BEND6: variants seen among roughly 807,000 people sequenced by gnomAD.
BEND6 encodes BEN domain containing 6.
A neutral mutation model predicts 31.8 loss-of-function variants in BEND6; 24 were observed. The observed-to-expected ratio is 0.75, with a 90% CI of 0.55 to 1.06. The LOEUF is 1.06. BEND6 is among the 50% of genes least tolerant of loss of function. The pLI is 0.00. For synonymous variants in BEND6, 109 were observed against 114.6 expected (o/e 0.95, Z 0.31); for missense variants, 294 against 327.4 (o/e 0.90, Z 0.79).
chr6:56,978,310 C>A (rs1375220509), intron 1 of BEND6, among the ~76,000 whole-genome samples: 1 of 151,580 alleles, frequency 6.6e-6, no homozygotes, highest in African/African-American at 2.4e-5. Flanking sequence ...ATAAAATATA[C>A]AATTAAATGT....
chr6:57,003,051 A>T (rs1827004973), intron 3 of BEND6, among the ~76,000 whole-genome samples: 1 of 152,220 alleles, frequency 6.6e-6, no homozygotes, highest in African/African-American at 2.4e-5. Context: ...GAAATACAAA[A>T]GATCCTCAGA....
At chr6:56,968,312 CTTTTTTTTT>C (rs779756084) in intron 1 of BEND6, among the ~76,000 whole-genome samples, 1 of 65,982 alleles carries the variant, frequency 1.5e-5, no homozygotes, top group African/African-American at 6.6e-5. Context: ...TCTTTCTTTT[CTTTTTTTTT>C]TTTTTTTTTT....
intron 5 of BEND6, 127 bp from the exon 6 acceptor site, chr6:57,018,294 T>C: frequency 1.0e-6 from 1 of 991,904 alleles, no homozygotes; most frequent in Admixed American, 3.7e-5. Context: ...CTCATGGGTG[T>C]TTGGGCTACT....
chr6:57,017,614 C>T (rs1251294070), intron 5 of BEND6, among the ~76,000 whole-genome samples: 1 of 152,084 alleles, frequency 6.6e-6, no homozygotes, highest in African/African-American at 2.4e-5. Context: ...AGTTTTATAT[C>T]ACCAAAAGGT....
chr6:56,983,005 C>G (rs552785045), intron 2 of BEND6, among the ~76,000 whole-genome samples: 1 of 152,182 alleles, frequency 6.6e-6, no homozygotes, highest in Non-Finnish European at 1.5e-5. Context: ...CTTTATTTAA[C>G]TGGTTTCCTA....
chr6:57,021,775 C>A (rs180998157), intron 6 of BEND6, among the ~76,000 whole-genome samples: 1 of 152,208 alleles, frequency 6.6e-6, no homozygotes, highest in East Asian at 1.9e-4. Flanking sequence ...TAATCTCTGG[C>A]GTAATGTTAC....
intron 1 of BEND6, chr6:56,975,738 G>A: frequency 4.1e-6 from 2 of 491,832 alleles, no homozygotes; most frequent in Admixed American, 4.7e-5. Context: ...GCATTCAATT[G>A]GTCCAGGATT....
At chr6:56,999,675 C>T (rs1462515764) in intron 3 of BEND6, among the ~76,000 whole-genome samples, 1 of 152,218 alleles carries the variant, frequency 6.6e-6, no homozygotes, top group Non-Finnish European at 1.5e-5. Context: ...GCAGAGAGCA[C>T]AGACCACTGT....
chr6:56,984,827 G>A (rs1411261717), intron 2 of BEND6, among the ~76,000 whole-genome samples: 2 of 152,112 alleles, frequency 1.3e-5, no homozygotes, highest in African/African-American at 4.8e-5. Flanking sequence ...CCACTGGGCT[G>A]GATCCCATTA....
chr6:57,024,322 T>A (rs540577978), intron 6 of BEND6, among the ~76,000 whole-genome samples: 1 of 152,354 alleles, frequency 6.6e-6, no homozygotes, highest in African/African-American at 2.4e-5. Context: ...TACCTTCAGA[T>A]GTTTTGTTCT....
intron 3 of BEND6, among the ~76,000 whole-genome samples, chr6:57,000,976 G>T (rs1826917279): frequency 6.7e-6 from 1 of 150,280 alleles, no homozygotes; most frequent in African/African-American, 2.5e-5. Context: ...TCCCTAGGGA[G>T]GGAGAAAAAG....
At chr6:57,025,802 T>C (rs1182635030) in intron 6 of BEND6, among the ~76,000 whole-genome samples, 1 of 152,176 alleles carries the variant, frequency 6.6e-6, no homozygotes, top group Non-Finnish European at 1.5e-5. Context: ...TTTTATTTTT[T>C]AACTTCTCTG....
At chr6:57,008,488 G>A (rs1257597825) in intron 3 of BEND6, 4 of 396,906 alleles carry the variant, frequency 1.0e-5, no homozygotes, top group Non-Finnish European at 1.8e-5. Flanking sequence ...TGTCATGCAG[G>A]CCTGTCTGTG....
chr6:56,986,863 T>C (rs905299434), intron 2 of BEND6, among the ~76,000 whole-genome samples: 1 of 152,216 alleles, frequency 6.6e-6, no homozygotes. Context: ...GGGGATTCTA[T>C]TGGTAGCTGC....
intron 1 of BEND6, among the ~76,000 whole-genome samples, chr6:56,973,677 G>A (rs1825771304): frequency 6.6e-6 from 1 of 152,124 alleles, no homozygotes; most frequent in African/African-American, 2.4e-5. Flanking sequence ...CTGGACAAAG[G>A]GACAGCTCAC....
rs1373682566 is a variant in BEND6, at chr6:57,017,218, A to G, written c.531A>G (p.Glu177=). Residue 177 remains glutamate, a synonymous_variant, in exon 5 of 7, where the codon GAA becomes GAG. Coordinates refer to ENST00000370746, the MANE Select transcript of BEND6 (RefSeq NM_152731.3). ...TCTTATCTTTTTAGTTCCAGATTGA[A>G]AAATGGCAGATTGCCCGTTGTAACA... ...HQTDEKQFQI[E]KWQIARCNKS... is the part of the protein sequence containing the mutation. 1.3e-6 allele frequency: 2 copies of G among 1,574,976 alleles called. No individual in the cohort carries two copies. Among genetic ancestry groups the G allele is most frequent in the South Asian group, 1.2e-5 (1 of 86,080 alleles).
At chr6:57,021,565 G>A (rs1827743284) in intron 6 of BEND6, among the ~76,000 whole-genome samples, 1 of 152,046 alleles carries the variant, frequency 6.6e-6, no homozygotes, top group Admixed American at 6.6e-5. Context: ...TCCTGTGGCT[G>A]CCCTAAAGTT....
chr6:56,967,306 C>A (rs934848038), intron 1 of BEND6, among the ~76,000 whole-genome samples: 1 of 152,114 alleles, frequency 6.6e-6, no homozygotes, highest in African/African-American at 2.4e-5. Flanking sequence ...CATGCTGTAC[C>A]TCAGGGCTAG....
intron 2 of BEND6, among the ~76,000 whole-genome samples, chr6:56,991,176 A>G (rs1826484728): frequency 1.3e-5 from 2 of 152,220 alleles, no homozygotes; most frequent in South Asian, 2.1e-4. Flanking sequence ...GTCTCTCTAC[A>G]TTAATTTAGA....
Sources: allele counts gnomAD v4.1 joint callset (sites outside exome capture counted in the v4.1 genomes callset), GRCh38; gene constraint gnomAD v4.1.1; transcripts MANE v1.5; gene names NCBI Gene and HGNC (gene_info 2026-07-23, HGNC 2026-07-21).